KDM4D: variants seen among roughly 807,000 people sequenced by gnomAD.
KDM4D encodes the protein lysine-specific demethylase 4D.
For missense variants in KDM4D, 427 were observed against 674.8 expected (o/e 0.63, Z 4.07); for synonymous variants, 254 against 249.1 (o/e 1.02, Z -0.19).
chr11:94,984,583 T>C (rs1242324852), intron 2 of KDM4D, among the ~76,000 whole-genome samples: 2 of 150,762 alleles, frequency 1.3e-5, no homozygotes, highest in African/African-American at 4.9e-5. Flanking sequence ...AGGCCAGGCA[T>C]GGTGGCTCAC....
At chr11:94,985,668 T>G (rs1359516517) in intron 2 of KDM4D, among the ~76,000 whole-genome samples, 1 of 152,178 alleles carries the variant, frequency 6.6e-6, no homozygotes, top group Non-Finnish European at 1.5e-5. Context: ...GCTCACACTT[T>G]TCTATTTCAG....
At chr11:94,980,306 T>C (rs1857832984) in intron 2 of KDM4D, among the ~76,000 whole-genome samples, 1 of 152,198 alleles carries the variant, frequency 6.6e-6, no homozygotes, top group Non-Finnish European at 1.5e-5. Context: ...CGTGGCATGC[T>C]GGAGAAGGGG....
chr11:94,979,932 T>C (rs1555097408), intron 2 of KDM4D, among the ~76,000 whole-genome samples: 1 of 152,232 alleles, frequency 6.6e-6, no homozygotes, highest in Non-Finnish European at 1.5e-5. Flanking sequence ...TGATATATCA[T>C]TGAGGTCTCA....
intron 2 of KDM4D, among the ~76,000 whole-genome samples, chr11:94,976,053 T>G (rs2134107413): frequency 6.6e-6 from 1 of 152,296 alleles, no homozygotes; most frequent in African/African-American, 2.4e-5. Context: ...AAAATGAAAC[T>G]AAAGCTTTTG....
Position 94,998,598 on chromosome 11 carries a change from C to A in KDM4D, c.1226C>A (p.Ser409Tyr), listed in dbSNP as rs1555099594. Reference protein sequence around the residue: ...TLVCSSLPRRSAVSGTATQPR... With the variant: ...TLVCSSLPRRYAVSGTATQPR... Reference sequence around the variant, plus strand: ...GTGTGCTCTTCACTCCCACGCCGATCTGCAGTTAGTGGCACTGCTACGCAG... The same window carrying A: ...GTGTGCTCTTCACTCCCACGCCGATATGCAGTTAGTGGCACTGCTACGCAG... Residue 409 changes from serine to tyrosine, a missense_variant, in exon 3 of 3, where the codon TCT becomes TAT. Coordinates refer to ENST00000335080, the MANE Select transcript of KDM4D (RefSeq NM_018039.3). The surrounding 1 kb of genome is among the most constrained non-coding windows in gnomAD (Gnocchi z 6.7). 3 of 1,614,112 alleles carry A rather than the reference C, an allele frequency of 1.9e-6. No homozygotes were observed. Among genetic ancestry groups the A allele is most frequent in the Admixed American group, 3.3e-5 (2 of 60,034 alleles).
rs924517863 is a variant in KDM4D at position 94,988,145 on chromosome 11, G to A, written c.-349-8879G>A. On this transcript the variant is annotated intron_variant, in intron 2 of 2. Transcript: ENST00000335080. Reference sequence around the variant, plus strand: ...AAATCTTAGAAAACAAGGAACAGAAGAATATGCTAATACTGTTTAGAGAGT... The same window carrying A: ...AAATCTTAGAAAACAAGGAACAGAAAAATATGCTAATACTGTTTAGAGAGT... 2.0e-5 allele frequency among the ~76,000 whole-genome samples: 3 copies of A among 152,254 alleles called. No individual in the cohort carries two copies. The South Asian group carries it at 6.2e-4, about 32-fold the overall frequency.
intron 2 of KDM4D, among the ~76,000 whole-genome samples, chr11:94,981,337 T>C (rs782386745): frequency 6.6e-6 from 1 of 152,062 alleles, no homozygotes; most frequent in Non-Finnish European, 1.5e-5. Flanking sequence ...TCTCATAGTA[T>C]CCTTGTTGGG....
chr11:94,997,990 T>C lies in KDM4D; in HGVS notation c.618T>C (p.Leu206=). Residue 206 remains leucine, a synonymous_variant, in exon 3 of 3, where the codon CTT becomes CTC. Coordinates refer to ENST00000335080, the MANE Select transcript of KDM4D (RefSeq NM_018039.3). ...MDLYSINYLH[L]GEPKTWYVVP... is the part of the protein sequence containing the mutation. ...TTTACAGCATCAACTACCTGCACCT[T>C]GGGGAGCCCAAAACTTGGTATGTGG... 3 of 1,614,220 alleles carry C rather than the reference T, an allele frequency of 1.9e-6. No individual in the cohort carries two copies. The highest frequency in any genetic ancestry group is 2.5e-6 in the Non-Finnish European group (3 of 1,180,030).
chr11:94,990,317 T>C (rs1306745876), intron 2 of KDM4D, among the ~76,000 whole-genome samples: 4 of 152,332 alleles, frequency 2.6e-5, no homozygotes, highest in African/African-American at 7.2e-5. Context: ...CACCAAGGTC[T>C]GAGGTTGGTA....
rs982653504 is a variant in KDM4D at position 94,999,469 on chromosome 11, A to C, written c.*525A>C. On this transcript the variant is annotated 3_prime_UTR_variant, in exon 3 of 3. Transcript: ENST00000335080. ...ATTTATGTACTTAAAATATGTTGTC[A>C]CAGTATTTGTTCCCAAATATATTAA... The C allele has an allele frequency of 6.0e-6, 1 of 166,110 alleles. No individual in the cohort carries two copies. The highest frequency in any genetic ancestry group is 1.5e-5 in the Non-Finnish European group (1 of 68,166). The allele number at this position is 166,110 out of a possible 1,614,324, so 10.3% of individuals were successfully genotyped here. A position where few individuals can be genotyped will look rare whatever the true frequency, so the allele number is the denominator to read the frequency against.
chr11:94,999,471 A>G lies in KDM4D; in HGVS notation c.*527A>G, dbSNP rs909785573. 6.0e-6 allele frequency: 1 copy of G among 166,050 alleles called. No individual in the cohort carries two copies. The highest frequency in any genetic ancestry group is 2.4e-5 in the African/African-American group (1 of 41,480). 10.3% of individuals were successfully genotyped at this position (166,050 alleles called of 1,614,324 possible). On this transcript the variant is annotated 3_prime_UTR_variant, in exon 3 of 3. Transcript: ENST00000335080. Reference sequence around the variant, plus strand: ...TTATGTACTTAAAATATGTTGTCACAGTATTTGTTCCCAAATATATTAAAG... The same window carrying G: ...TTATGTACTTAAAATATGTTGTCACGGTATTTGTTCCCAAATATATTAAAG...
In KDM4D at chr11:94,998,140, A is replaced by C. The variant is rs1857990666; in HGVS notation, c.768A>C (p.Glu256Asp). The C allele has an allele frequency of 6.2e-7, 1 of 1,614,200 alleles. No individual in the cohort carries two copies. The change falls in exon 3 of 3, where the codon GAA (glutamate) becomes GAC (aspartate). Residue 256 changes from glutamate to aspartate, a missense_variant. By Grantham distance (45) the Glu-to-Asp change is conservative (BLOSUM62 2). Transcript: ENST00000335080. The surrounding 1 kb of genome is among the most constrained non-coding windows in gnomAD (Gnocchi z 6.7). ...VALISPTVLK[E>D]NGIPFNRITQ... ...TCATCTCGCCTACAGTTCTCAAGGA[A>C]AATGGGATTCCCTTCAATCGCATAA...
At chr11:94,986,675 G>A (rs1555098157) in intron 2 of KDM4D, among the ~76,000 whole-genome samples, 3 of 152,176 alleles carry the variant, frequency 2.0e-5, no homozygotes, top group African/African-American at 7.2e-5. Context: ...ACAATAACAA[G>A]TATTGATGTG....
In KDM4D at chr11:94,998,324, A is replaced by T; in HGVS notation, c.952A>T (p.Thr318Ser). The T allele has an allele frequency of 6.2e-7, 1 of 1,614,150 alleles. No individual in the cohort carries two copies. Among genetic ancestry groups the T allele is most frequent in the Non-Finnish European group, 8.5e-7 (1 of 1,180,032 alleles). Residue 318 changes from threonine (T) to serine (S), a missense_variant, in exon 3 of 3, where the codon ACC becomes TCC. Physicochemically the swap from Thr to Ser is moderately conservative, Grantham distance 58. Coordinates refer to ENST00000335080, the MANE Select transcript of KDM4D (RefSeq NM_018039.3). The surrounding 1 kb of genome is among the most constrained non-coding windows in gnomAD (Gnocchi z 6.7). Reference protein sequence around the residue: ...SQCSCGEARVTFSMDAFVRIL... With the variant: ...SQCSCGEARVSFSMDAFVRIL... ...GTGTAGCTGTGGGGAGGCAAGGGTG[A>T]CCTTTTCCATGGATGCCTTCGTGCG...
intron 2 of KDM4D, among the ~76,000 whole-genome samples, chr11:94,995,199 T>C (rs940495736): frequency 6.6e-6 from 1 of 152,206 alleles, no homozygotes; most frequent in African/African-American, 2.4e-5. Flanking sequence ...TAGACATAAT[T>C]GTAGAGACTG....
chr11:94,974,756 A>G (rs1461076798), intron 1 of KDM4D, among the ~76,000 whole-genome samples: 3 of 152,100 alleles, frequency 2.0e-5, no homozygotes, highest in Non-Finnish European at 4.4e-5. Flanking sequence ...TAACAATTCT[A>G]CTTTTAAAAC....
chr11:94,980,831 A>AT (rs1384198963), intron 2 of KDM4D, among the ~76,000 whole-genome samples: 1 of 152,144 alleles, frequency 6.6e-6, no homozygotes, highest in South Asian at 2.1e-4. Flanking sequence ...GATCTTTCAG[A>AT]TTTTGTCACA....
chr11:94,997,512 G>C lies in KDM4D; in HGVS notation c.140G>C (p.Gly47Ala). 2 of 1,614,148 alleles carry C rather than the reference G, an allele frequency of 1.2e-6. No homozygotes were observed. Among genetic ancestry groups the C allele is most frequent in the Non-Finnish European group, 1.7e-6 (2 of 1,180,036 alleles). Residue 47 changes from glycine (G) to alanine (A), a missense_variant, in exon 3 of 3, where the codon GGC becomes GCC. Transcript: ENST00000335080. ...YMESQGAHRA[G>A]LAKIIPPKEW... The stretch of plus-strand genomic sequence containing the variant: ...GAATCCCAAGGTGCACACAGAGCTG[G>C]CTTGGCTAAGATAATTCCACCCAAA...
At chr11:94,991,583 A>G (rs1857934593) in intron 2 of KDM4D, among the ~76,000 whole-genome samples, 2 of 151,742 alleles carry the variant, frequency 1.3e-5, no homozygotes, top group African/African-American at 4.8e-5. Flanking sequence ...TGGAAATTAA[A>G]AATTTGATTG....
Sources: allele counts gnomAD v4.1 joint callset (sites outside exome capture counted in the v4.1 genomes callset), GRCh38; gene constraint gnomAD v4.1.1; non-coding constraint Gnocchi (gnomAD v3.1); transcripts MANE v1.5; gene names NCBI Gene and HGNC (gene_info 2026-07-23, HGNC 2026-07-21).